Variants in SPRY3 observed in about 807,000 individuals in gnomAD.
The protein encoded by SPRY3 is sprouty RTK signaling antagonist 3, also known as protein sprouty homolog 3.
Under a neutral mutation model 20.2 loss-of-function variants are expected in SPRY3, and 15 were observed. The ratio of observed to expected loss-of-function variants is 0.74; its 90% CI spans 0.50 to 1.14. SPRY3 has a LOEUF of 1.14. Ranked by LOEUF, SPRY3 falls within the 50% of genes most tolerant of loss-of-function variation. The pLI, the probability that SPRY3 is intolerant of heterozygous loss-of-function variation, is 0.00. For synonymous variants in SPRY3, 143 were observed against 136.5 expected (o/e 1.05, Z -0.33); for missense variants, 364 against 363.9 (o/e 1.00, Z 0.00).
intron 2 of SPRY3, among the ~76,000 whole-genome samples, chrX:155,704,280 A>G (rs2090932617): frequency 6.6e-6 from 1 of 151,862 alleles, no homozygotes; most frequent in Admixed American, 6.6e-5. Flanking sequence ...ACAACACACA[A>G]GATAGATGGG....
At chrX:155,688,807 C>T (rs1408031920) in intron 2 of SPRY3, among the ~76,000 whole-genome samples, 1 of 87,461 alleles carries the variant, frequency 1.1e-5, no homozygotes, top group Non-Finnish European at 2.1e-5. Context: ...GCTCTTTTCC[C>T]TAATGCTCTC....
chrX:155,630,514 T>G (rs1236115159), intron 1 of SPRY3, among the ~76,000 whole-genome samples: 2 of 111,880 alleles, frequency 1.8e-5, no homozygotes, highest in Non-Finnish European at 3.8e-5. Context: ...TGGTTGACAG[T>G]GGTGTTTTTT....
intron 1 of SPRY3, among the ~76,000 whole-genome samples, chrX:155,621,057 G>T (rs2067869431): frequency 9.0e-6 from 1 of 111,516 alleles, no homozygotes; most frequent in Admixed American, 9.5e-5. Context: ...ACTGCAGCCA[G>T]TAATGCCAAT....
chrX:155,668,691 A>G (rs1393749963), intron 2 of SPRY3, among the ~76,000 whole-genome samples: 2 of 110,609 alleles, frequency 1.8e-5, no homozygotes, highest in South Asian at 7.6e-4. Context: ...TCAGATTCCT[A>G]GAGGAACTTC....
chrX:155,732,873 T>C lies in SPRY3; in HGVS notation c.-281-35089T>C, dbSNP rs538343002. 2.3e-4 allele frequency among the ~76,000 whole-genome samples: 35 copies of C among 152,064 alleles called. No homozygotes were observed. The South Asian group carries it at 7.1e-3, about 31-fold the overall frequency. ...ACGTGGATGGCACTGGAGGTCATTG[T>C]GTTGAGTGAAATAAGCCAGGCACAG... On this transcript the variant is annotated intron_variant, in intron 2 of 3. Coordinates refer to ENST00000675360, the Ensembl canonical transcript of SPRY3.
At chrX:155,720,110 C>G (rs992677424) in intron 2 of SPRY3, among the ~76,000 whole-genome samples, 4 of 152,144 alleles carry the variant, frequency 2.6e-5, no homozygotes, top group African/African-American at 9.7e-5. Context: ...TTACTACAAG[C>G]TGACAGAAGA....
chrX:155,763,049 A>G (rs1159922839), intron 2 of SPRY3, among the ~76,000 whole-genome samples: 1 of 151,904 alleles, frequency 6.6e-6, no homozygotes, highest in Non-Finnish European at 1.5e-5. Flanking sequence ...GAACAAAATC[A>G]TGTTCTTCGC....
rs1180231682 is a variant in SPRY3 at position 155,690,760 on chromosome X, C to T, written c.-282+33735C>T. 2.3e-5 allele frequency among the ~76,000 whole-genome samples: 2 copies of T among 86,558 alleles called. 1 individual carries two copies. The highest frequency in any genetic ancestry group is 2.5e-4 in the Admixed American group (2 of 8,060). 75.2% of individuals were successfully genotyped at this position (86,558 alleles called of 115,157 possible). The stretch of plus-strand genomic sequence containing the variant: ...ATAATAGTGGGAGACTTCAATACCC[C>T]GCTGATAGTATTAGACAGATCATCA... On this transcript the variant is annotated intron_variant, in intron 2 of 3. Coordinates refer to ENST00000675360, the Ensembl canonical transcript of SPRY3.
At chrX:155,737,700 G>A (rs191368967) in intron 2 of SPRY3, among the ~76,000 whole-genome samples, 152 of 152,250 alleles carry the variant, frequency 1.0e-3, no homozygotes, top group Non-Finnish European at 1.6e-3. Flanking sequence ...GTGACTGGGG[G>A]ATAGAGAACA....
In SPRY3 at chrX:155,762,250, C is replaced by A. The variant is rs565455948; in HGVS notation, c.-281-5712C>A. 7.6e-4 allele frequency among the ~76,000 whole-genome samples: 116 copies of A among 152,160 alleles called. 3 individuals carry two copies. In the South Asian group the frequency reaches 0.024, roughly 31 times the overall value. On this transcript the variant is annotated intron_variant, in intron 2 of 3. Transcript: ENST00000675360. Reference sequence around the variant, plus strand: ...CAACAAGAGTTTATCTTATGAAAATCACAGTAAACAGTACTTTGAAGGGGT... The same window carrying A: ...CAACAAGAGTTTATCTTATGAAAATAACAGTAAACAGTACTTTGAAGGGGT...
At chrX:155,707,595 T>C (rs1030913917) in intron 2 of SPRY3, among the ~76,000 whole-genome samples, 3 of 151,250 alleles carry the variant, frequency 2.0e-5, no homozygotes, top group Non-Finnish European at 4.5e-5. Flanking sequence ...TTTCAGATTT[T>C]GCTTTATGTG....
downstream of SPRY3, chrX:155,776,818 G>C (rs1463825835): frequency 1.8e-5 from 3 of 167,028 alleles, no homozygotes; most frequent in East Asian, 3.9e-4. Flanking sequence ...CTCACTTTTT[G>C]TTGGTTCTGA....
chrX:155,648,478 A>G (rs1413631434), intron 1 of SPRY3, among the ~76,000 whole-genome samples: 1 of 112,604 alleles, frequency 8.9e-6, no homozygotes, highest in Non-Finnish European at 1.9e-5. Context: ...TTTTTGTATA[A>G]TGTGTAAGGA....
intron 2 of SPRY3, among the ~76,000 whole-genome samples, chrX:155,682,475 T>C (rs2068076470): frequency 8.9e-6 from 1 of 112,359 alleles, no homozygotes; most frequent in South Asian, 3.7e-4. Flanking sequence ...TTCAAGTTTT[T>C]TGTGTGGATC....
intron 2 of SPRY3, among the ~76,000 whole-genome samples, chrX:155,725,647 T>C (rs1383651322): frequency 6.6e-6 from 1 of 152,224 alleles, no homozygotes; most frequent in Non-Finnish European, 1.5e-5. Flanking sequence ...TTTGTATTTC[T>C]GTGGGATGGG....
intron 2 of SPRY3, among the ~76,000 whole-genome samples, chrX:155,680,103 A>C (rs2068069279): frequency 9.4e-6 from 1 of 106,546 alleles, no homozygotes; most frequent in African/African-American, 3.4e-5. Context: ...TTATATTAAT[A>C]GCAATGAGGA....
At chrX:155,750,841 C>T (rs962162139) in intron 2 of SPRY3, among the ~76,000 whole-genome samples, 1 of 151,740 alleles carries the variant, frequency 6.6e-6, no homozygotes, top group African/African-American at 2.4e-5. Flanking sequence ...AAGAGCCTAA[C>T]ATTAAATGAA....
chrX:155,744,058 G>T (rs1464940270), intron 2 of SPRY3, among the ~76,000 whole-genome samples: 4 of 152,060 alleles, frequency 2.6e-5, no homozygotes, highest in Non-Finnish European at 4.4e-5. Context: ...GCTGGAGGGG[G>T]TACAGAAGGG....
intron 2 of SPRY3, among the ~76,000 whole-genome samples, chrX:155,666,568 G>A (rs781881775): frequency 2.7e-5 from 3 of 111,542 alleles, no homozygotes; most frequent in Admixed American, 9.6e-5. Context: ...AGGAGTGAAA[G>A]AGAGTGCTAA....
Sources: gnomAD v4.1 joint callset for allele counts (sites outside exome capture counted in the v4.1 genomes callset) on GRCh38, gnomAD v4.1.1 for gene constraint, MANE v1.5 for transcripts, NCBI Gene and HGNC (gene_info 2026-07-23, HGNC 2026-07-21) for gene names.